Variants in MARCHF3 observed in about 807,000 individuals in gnomAD.
The protein encoded by MARCHF3 is E3 ubiquitin-protein ligase MARCHF3.
In MARCHF3, 13 loss-of-function variants were observed where a neutral mutation model predicts 24.2. That is an observed-to-expected ratio of 0.54 (90% confidence interval 0.35 to 0.85). The LOEUF (loss-of-function observed/expected upper bound fraction) is 0.85, where lower values mean the gene tolerates loss of function less well. Among genes scored for constraint, MARCHF3 ranks in the 40% least tolerant of loss-of-function variants. The pLI is 0.01. For synonymous variants in MARCHF3, 144 were observed against 137.3 expected, an observed-to-expected ratio of 1.05 and a Z score of -0.34; for missense variants, 276 against 325.0, an observed-to-expected ratio of 0.85 and a Z score of 1.16.
intron 1 of MARCHF3, among the ~76,000 whole-genome samples, chr5:126,937,330 C>CA (rs1554066991): frequency 6.6e-6 from 1 of 151,480 alleles, no homozygotes; most frequent in African/African-American, 2.4e-5. Flanking sequence ...ATCTGGTTAC[C>CA]TTTTTTTTTC....
rs544302618 is a variant in MARCHF3 at position 127,003,681 on chromosome 5, C to T, written c.-57+26669G>A. Among the ~76,000 whole-genome samples, 173 of 152,174 alleles carry T rather than the reference C, an allele frequency of 1.1e-3. 1 individual carries two copies. Among genetic ancestry groups the T allele is most frequent in the Admixed American group, 3.6e-3 (55 of 15,296 alleles). On this transcript the variant is annotated intron_variant, in intron 1 of 4. Transcript: ENST00000308660. Reference sequence around the variant, plus strand: ...AAGAGAATGGCGCGAACCCGGGAGGCGGAGCTTGCAGTGAGCCGAGATCGT... The same window carrying T: ...AAGAGAATGGCGCGAACCCGGGAGGTGGAGCTTGCAGTGAGCCGAGATCGT...
At chr5:126,872,753 C>T (rs1235231396) in intron 4 of MARCHF3, among the ~76,000 whole-genome samples, 2 of 152,052 alleles carry the variant, frequency 1.3e-5, no homozygotes, top group Non-Finnish European at 2.9e-5. Context: ...TGCCACGGGC[C>T]GAGTGCCAGA....
intron 3 of MARCHF3, among the ~76,000 whole-genome samples, chr5:126,902,643 C>A (rs546630329): frequency 6.6e-6 from 1 of 152,216 alleles, no homozygotes; most frequent in Non-Finnish European, 1.5e-5. Context: ...GTGAACACTT[C>A]GGTTGGTGGT....
chr5:126,963,964 A>G (rs1265930661), intron 1 of MARCHF3, among the ~76,000 whole-genome samples: 1 of 152,192 alleles, frequency 6.6e-6, no homozygotes, highest in Admixed American at 6.5e-5. Flanking sequence ...TGTCTCATAC[A>G]TTCACTAGTT....
chr5:126,939,940 T>A (rs1218841010), intron 1 of MARCHF3, among the ~76,000 whole-genome samples: 2 of 152,162 alleles, frequency 1.3e-5, no homozygotes, highest in African/African-American at 4.8e-5. Context: ...ACGTATTTTC[T>A]CTACAAGGTA....
intron 1 of MARCHF3, among the ~76,000 whole-genome samples, chr5:126,991,540 A>C (rs1751761796): frequency 6.6e-6 from 1 of 152,148 alleles, no homozygotes; most frequent in Admixed American, 6.5e-5. Context: ...TAGAACTTAA[A>C]GTATAATAAT....
intron 1 of MARCHF3, among the ~76,000 whole-genome samples, chr5:127,009,046 G>C (rs770273596): frequency 6.6e-6 from 1 of 152,004 alleles, no homozygotes; most frequent in Non-Finnish European, 1.5e-5. Flanking sequence ...CAATAACATA[G>C]GTAGGTTTTC....
intron 3 of MARCHF3, among the ~76,000 whole-genome samples, chr5:126,911,047 A>G (rs1754508660): frequency 6.6e-6 from 1 of 152,214 alleles, no homozygotes; most frequent in African/African-American, 2.4e-5. Context: ...TCCCAGGCTT[A>G]TTAGGACGAG....
intron 1 of MARCHF3, among the ~76,000 whole-genome samples, chr5:127,002,287 G>A (rs1480168528): frequency 1.3e-5 from 2 of 152,222 alleles, no homozygotes; most frequent in African/African-American, 4.8e-5. Context: ...ACACTAAGCA[G>A]TAGAGATGAG....
intron 1 of MARCHF3, among the ~76,000 whole-genome samples, chr5:126,931,713 C>G (rs977407667): frequency 6.6e-6 from 1 of 151,976 alleles, no homozygotes; most frequent in Non-Finnish European, 1.5e-5. Flanking sequence ...TAATCTCTAC[C>G]GCAAAGTTGT....
At chr5:127,023,385 T>A (rs995893458) in intron 1 of MARCHF3, among the ~76,000 whole-genome samples, 8 of 152,158 alleles carry the variant, frequency 5.3e-5, no homozygotes, top group Non-Finnish European at 1.2e-4. Flanking sequence ...GTCAACTGTA[T>A]TATAAAAATT....
intron 1 of MARCHF3, among the ~76,000 whole-genome samples, chr5:126,987,761 C>T (rs1398884540): frequency 2.6e-5 from 4 of 152,116 alleles, no homozygotes; most frequent in South Asian, 4.2e-4. Flanking sequence ...ATTTCAAGTC[C>T]GGGTGGAGAA....
chr5:126,904,521 T>A (rs143871147), intron 3 of MARCHF3, among the ~76,000 whole-genome samples: 6 of 148,774 alleles, frequency 4.0e-5, no homozygotes, highest in African/African-American at 1.5e-4. Flanking sequence ...TGGTGTGAGA[T>A]GGTATCTCAT....
chr5:127,012,503 T>A (rs899607115), intron 1 of MARCHF3, among the ~76,000 whole-genome samples: 63 of 152,286 alleles, frequency 4.1e-4, no homozygotes, highest in Admixed American at 3.9e-3. Context: ...ACTTCTAGTA[T>A]CATTGAGGTT....
At chr5:126,978,109 T>A (rs1414432905) in intron 1 of MARCHF3, among the ~76,000 whole-genome samples, 1 of 152,250 alleles carries the variant, frequency 6.6e-6, no homozygotes, top group Non-Finnish European at 1.5e-5. Context: ...GAGTATTGTA[T>A]GTTGGGAATC....
At chr5:126,953,309 C>G (rs1380073100) in intron 1 of MARCHF3, among the ~76,000 whole-genome samples, 1 of 152,110 alleles carries the variant, frequency 6.6e-6, no homozygotes, top group Non-Finnish European at 1.5e-5. Flanking sequence ...TGTTGTAATT[C>G]ACACATACTG....
chr5:126,900,229 T>C (rs1754058800), intron 3 of MARCHF3, among the ~76,000 whole-genome samples: 2 of 152,076 alleles, frequency 1.3e-5, no homozygotes, highest in South Asian at 4.1e-4. Context: ...GTGCATAGGT[T>C]CATGCCAATG....
At chr5:126,992,912 C>T (rs1028642745) in intron 1 of MARCHF3, among the ~76,000 whole-genome samples, 1 of 151,986 alleles carries the variant, frequency 6.6e-6, no homozygotes, top group African/African-American at 2.4e-5. Flanking sequence ...GCTGGGACTA[C>T]AGGCGCCAGC....
At chr5:127,019,333 C>G (rs1752724673) in intron 1 of MARCHF3, among the ~76,000 whole-genome samples, 1 of 152,136 alleles carries the variant, frequency 6.6e-6, no homozygotes, top group Non-Finnish European at 1.5e-5. Flanking sequence ...ACCCCCCTAC[C>G]CCATCCCCCA....
Sources: allele counts gnomAD v4.1 joint callset (sites outside exome capture counted in the v4.1 genomes callset), GRCh38; gene constraint gnomAD v4.1.1; transcripts MANE v1.5; gene names NCBI Gene and HGNC (gene_info 2026-07-23, HGNC 2026-07-21).